The following ATP11A variants were observed in gnomAD, a reference collection of about 807,000 sequenced individuals.
ATP11A encodes ATPase phospholipid transporting 11A.
ATP11A carries 81 observed loss-of-function variants against 154.4 expected under a neutral mutation model. The observed-to-expected ratio is 0.52, with a 90% CI of 0.44 to 0.63. ATP11A has a LOEUF of 0.63. Among genes scored for constraint, ATP11A ranks in the 30% least tolerant of loss-of-function variants. The probability of loss-of-function intolerance (pLI) is 0.00; values close to 1 mark genes in which losing one functional copy is unlikely to be tolerated. For missense variants in ATP11A, 1,316 were observed against 1,474.3 expected (o/e 0.89, Z 1.76); for synonymous variants, 623 against 585.9 (o/e 1.06, Z -0.91).
At position 112,863,702 on chromosome 13, in the gene ATP11A, G is replaced by A. The variant is rs79851494; in HGVS notation, c.2991+1127G>A. ...GCGCAGTAATTCAGTGCAGGCCTGC[G>A]CAGCTTCCCAGCGGGGTCCATCACC... On this transcript the variant is annotated intron_variant, in intron 25 of 29. Coordinates refer to ENST00000375645, the MANE Select transcript of ATP11A (RefSeq NM_015205.3). 2.0e-3 allele frequency among the ~76,000 whole-genome samples: 214 copies of A among 107,230 alleles called. 2 individuals carry two copies. The East Asian group carries it at 0.025, about 12-fold the overall frequency. The allele number at this position is 107,230 out of a possible 152,430, so 70.3% of individuals were successfully genotyped here. A position where few individuals can be genotyped will look rare whatever the true frequency, so the allele number is the denominator to read the frequency against.
Position 112,855,999 on chromosome 13 carries a change from G to A in ATP11A, c.2332G>A (p.Gly778Ser), listed in dbSNP as rs529695454. 5.1e-5 allele frequency: 83 copies of A among 1,614,190 alleles called. No homozygotes were observed. The highest frequency in any genetic ancestry group is 6.5e-5 in the Non-Finnish European group (77 of 1,180,034). ...GAAGCCTCGAGAAGACGGGAGTTCC[G>A]GCAACTACAGGGAGCTCTTCCTGGA... ...IMKPREDGSS[G>S]NYRELFLEIC... is the part of the protein sequence containing the mutation. The change falls in exon 20 of 30, where the codon GGC (glycine) becomes AGC (serine). Residue 778 changes from glycine (G) to serine (S), a missense_variant. Gly to Ser is a moderately conservative substitution (Grantham distance 56). Coordinates refer to ENST00000375645, the MANE Select transcript of ATP11A (RefSeq NM_015205.3).
rs114900431 is a variant in ATP11A, at chr13:112,837,825, C to G, written c.1705+1574C>G. On this transcript the variant is annotated intron_variant, in intron 16 of 29. Coordinates refer to ENST00000375645, the MANE Select transcript of ATP11A (RefSeq NM_015205.3). Reference sequence around the variant, plus strand: ...CATGGTGCCTCACTTCCTAAGACCCCGAAGGAGCTGTAGGGGGAGGCAGTG... The same window carrying G: ...CATGGTGCCTCACTTCCTAAGACCCGGAAGGAGCTGTAGGGGGAGGCAGTG... 8.9e-3 allele frequency among the ~76,000 whole-genome samples: 1,347 copies of G among 151,786 alleles called. 23 individuals are homozygous for G. Among genetic ancestry groups the G allele is most frequent in the African/African-American group, 0.03 (1,247 of 41,386 alleles).
Position 112,753,607 on chromosome 13 carries a change from T to C in ATP11A, c.40-31528T>C, listed in dbSNP as rs2139825682. Reference sequence around the variant, plus strand: ...CCATTTGCTGTTCTTTTCTCTTTTTTGAAAAAGAACAGCTTGTTTATATCT... The same window carrying C: ...CCATTTGCTGTTCTTTTCTCTTTTTCGAAAAAGAACAGCTTGTTTATATCT... On this transcript the variant is annotated intron_variant, in intron 1 of 29. Transcript: ENST00000375645. The surrounding 1 kb of genome is among the most constrained non-coding windows in gnomAD (Gnocchi z 4.1). 6.6e-6 allele frequency among the ~76,000 whole-genome samples: 1 copy of C among 152,366 alleles called. No homozygotes were observed. The highest frequency in any genetic ancestry group is 2.1e-4 in the South Asian group (1 of 4,828).
intron 11 of ATP11A, among the ~76,000 whole-genome samples, chr13:112,826,082 C>T (rs1026317732): frequency 6.0e-5 from 9 of 150,066 alleles, no homozygotes; most frequent in African/African-American, 1.7e-4. Context: ...ATAGCAGGGC[C>T]GTGTGCAAAC....
chr13:112,718,960 G>A (rs766162388), intron 1 of ATP11A, among the ~76,000 whole-genome samples: 28 of 152,224 alleles, frequency 1.8e-4, no homozygotes, highest in Non-Finnish European at 2.8e-4. Context: ...GATTACAGGC[G>A]TGAGCCACTG....
chr13:112,701,823 C>A (rs1180885772), intron 1 of ATP11A, among the ~76,000 whole-genome samples: 1 of 151,760 alleles, frequency 6.6e-6, no homozygotes, highest in African/African-American at 2.4e-5. Flanking sequence ...ACAGAGCAGG[C>A]TGTCAACACA....
rs193029378 is a variant in ATP11A, at chr13:112,845,268, A to G, written c.1809+2889A>G. On this transcript the variant is annotated intron_variant, in intron 17 of 29. Coordinates refer to ENST00000375645, the MANE Select transcript of ATP11A (RefSeq NM_015205.3). The stretch of plus-strand genomic sequence containing the variant: ...ACTAACCAATCCAGTTGCCAGCACT[A>G]GCGGTACTATTCAGTCCAGTTGCCA... Among the ~76,000 whole-genome samples the G allele has an allele frequency of 1.0e-4, 13 of 124,930 alleles. 2 individuals are homozygous for G. Among genetic ancestry groups the G allele is most frequent in the Non-Finnish European group, 1.6e-5 (1 of 61,414 alleles). The allele number at this position is 124,930 out of a possible 152,430, so 82.0% of individuals were successfully genotyped here.
In ATP11A at chr13:112,816,094, T is replaced by A. The variant is rs1478112351; in HGVS notation, c.453T>A (p.Ile151=). 6 of 1,614,206 alleles carry A rather than the reference T, an allele frequency of 3.7e-6. No individual in the cohort carries two copies. The highest frequency in any genetic ancestry group is 5.1e-6 in the Non-Finnish European group (6 of 1,180,046). The change falls in exon 6 of 30, where the codon ATT becomes ATA. Residue 151 remains isoleucine, a synonymous_variant. Transcript: ENST00000375645. ...KQSRKLRVGD[I]VMVKEDETFP... Reference sequence around the variant, plus strand: ...GCTTTGTCCTGTAGGTTGGGGACATTGTCATGGTTAAGGAGGACGAGACCT... The same window carrying A: ...GCTTTGTCCTGTAGGTTGGGGACATAGTCATGGTTAAGGAGGACGAGACCT...
At chr13:112,842,554 A>G (rs1312310920) in intron 17 of ATP11A, among the ~76,000 whole-genome samples, 175 bp downstream of exon 17, 1 of 152,226 alleles carries the variant, frequency 6.6e-6, no homozygotes, top group Non-Finnish European at 1.5e-5. Context: ...CACCGACCCC[A>G]GGGGGCCTCC....
At chr13:112,730,443 G>T (rs1890367567) in intron 1 of ATP11A, among the ~76,000 whole-genome samples, 1 of 152,212 alleles carries the variant, frequency 6.6e-6, no homozygotes, top group Non-Finnish European at 1.5e-5. Flanking sequence ...CTGGAACCTC[G>T]TGGCTGGCGT....
chr13:112,777,006 C>T (rs566420702), intron 1 of ATP11A, among the ~76,000 whole-genome samples: 12 of 152,326 alleles, frequency 7.9e-5, no homozygotes, highest in Admixed American at 3.3e-4. Flanking sequence ...TGAAACGCAG[C>T]GTCTTGCCCC....
intron 25 of ATP11A, among the ~76,000 whole-genome samples, chr13:112,863,588 C>G (rs1233709789): frequency 6.7e-6 from 1 of 148,902 alleles, no homozygotes; most frequent in African/African-American, 2.5e-5. Flanking sequence ...TTCAGTGCGG[C>G]CCATGCAGCT....
At chr13:112,842,014 C>A (rs1266893760) in intron 16 of ATP11A, among the ~76,000 whole-genome samples, 1 of 152,212 alleles carries the variant, frequency 6.6e-6, no homozygotes, top group East Asian at 1.9e-4. Context: ...AGAGAAAAAA[C>A]AGAGTCCCGG....
At chr13:112,822,145 T>C (rs973653017) in intron 8 of ATP11A, among the ~76,000 whole-genome samples, 1 of 152,262 alleles carries the variant, frequency 6.6e-6, no homozygotes, top group South Asian at 2.1e-4. Context: ...AAAAGCAAAC[T>C]TCAGCAAACA....
rs1186831688 is a variant in ATP11A at position 112,711,923 on chromosome 13, G to T, written c.39+21468G>T. ...TCTGGAGCACATAGATAAGGAGCGG[G>T]TGGAGGGGAGAGGCCTTAGTTAATT... On this transcript the variant is annotated intron_variant, in intron 1 of 29. Coordinates refer to ENST00000375645, the MANE Select transcript of ATP11A (RefSeq NM_015205.3). Among the ~76,000 whole-genome samples the T allele has an allele frequency of 3.3e-5, 5 of 152,218 alleles. No homozygotes were observed. In the East Asian group the frequency reaches 9.6e-4, roughly 29 times the overall value.
rs541236499 is a variant in ATP11A, at chr13:112,698,824, T to C, written c.39+8369T>C. 3.3e-5 allele frequency among the ~76,000 whole-genome samples: 5 copies of C among 152,288 alleles called. 1 individual carries two copies. Among genetic ancestry groups the C allele is most frequent in the African/African-American group, 1.2e-4 (5 of 41,554 alleles). The stretch of plus-strand genomic sequence containing the variant: ...GCAACCTCTACCTCTTGGGTTCAAG[T>C]GATTCTCATGCCTCAGCCTCCCAGG... On this transcript the variant is annotated intron_variant, in intron 1 of 29. Coordinates refer to ENST00000375645, the MANE Select transcript of ATP11A (RefSeq NM_015205.3).
Position 112,883,297 on chromosome 13 carries a change from T to C in ATP11A, c.*1431T>C. On this transcript the variant is annotated 3_prime_UTR_variant, in exon 30 of 30. Coordinates refer to ENST00000375645, the MANE Select transcript of ATP11A (RefSeq NM_015205.3). ...GTTGTTCTCCGTACTGGCATTTCTA[T>C]TTCTAGAAATAATATTTGACATAGC... 2.5e-6 allele frequency: 1 copy of C among 398,426 alleles called. No individual in the cohort carries two copies. Among genetic ancestry groups the C allele is most frequent in the Non-Finnish European group, 4.4e-6 (1 of 226,060 alleles). The allele number at this position is 398,426 out of a possible 1,614,324, so 24.7% of individuals were successfully genotyped here.
chr13:112,773,542 C>T (rs887801731), intron 1 of ATP11A, among the ~76,000 whole-genome samples: 3 of 152,304 alleles, frequency 2.0e-5, no homozygotes, highest in South Asian at 4.1e-4. Flanking sequence ...GAAGGGAATC[C>T]TTGAACCTCT....
intron 2 of ATP11A, among the ~76,000 whole-genome samples, chr13:112,798,418 A>G (rs2078054200): frequency 6.6e-6 from 1 of 152,214 alleles, no homozygotes; most frequent in Admixed American, 6.5e-5. Context: ...AGGGCACAGC[A>G]CCCAGCTTGC....
Sources: allele counts gnomAD v4.1 joint callset (sites outside exome capture counted in the v4.1 genomes callset), GRCh38; gene constraint gnomAD v4.1.1; non-coding constraint Gnocchi (gnomAD v3.1); transcripts MANE v1.5; gene names NCBI Gene and HGNC (gene_info 2026-07-23, HGNC 2026-07-21).